The following CDH13 variants were observed in gnomAD, a reference collection of about 807,000 sequenced individuals.
CDH13 encodes the protein cadherin 13.
A neutral mutation model predicts 63.8 loss-of-function variants in CDH13; 24 were observed. That is an observed-to-expected ratio of 0.38 (90% CI 0.27 to 0.53). The LOEUF is 0.53. Among genes scored for constraint, CDH13 ranks in the 20% least tolerant of loss-of-function variants. The probability of loss-of-function intolerance (pLI) is 0.85; values close to 1 mark genes in which losing one functional copy is unlikely to be tolerated. For synonymous variants in CDH13, 503 were observed against 355.3 expected (o/e 1.42, Z -4.67); for missense variants, 1,049 against 903.1 (o/e 1.16, Z -2.07).
At chr16:83,178,154 C>G (rs868188669) in intron 4 of CDH13, among the ~76,000 whole-genome samples, 2 of 152,090 alleles carry the variant, frequency 1.3e-5, no homozygotes, top group African/African-American at 4.8e-5. Flanking sequence ...AAAGGTTGAT[C>G]CAGATTAGGG....
intron 5 of CDH13, among the ~76,000 whole-genome samples, chr16:83,254,524 C>G (rs1010474027): frequency 2.0e-5 from 3 of 152,196 alleles, no homozygotes; most frequent in Non-Finnish European, 4.4e-5. Context: ...CATAATGACT[C>G]TATGGACAGG....
At chr16:83,623,887 C>T (rs1418054972) in intron 8 of CDH13, among the ~76,000 whole-genome samples, 1 of 152,230 alleles carries the variant, frequency 6.6e-6, no homozygotes, top group Non-Finnish European at 1.5e-5. Flanking sequence ...GCTCACCCTT[C>T]GACAAGGAAA....
rs192229044 is a variant in CDH13, at chr16:83,003,277, G to A, written c.158-28733G>A. Reference sequence around the variant, plus strand: ...GTGAGAGGACTGTAGTTTGGAAAAGGTCAAGGGCTGTGGATTGCCATCTCT... The same window carrying A: ...GTGAGAGGACTGTAGTTTGGAAAAGATCAAGGGCTGTGGATTGCCATCTCT... On this transcript the variant is annotated intron_variant, in intron 2 of 13. Coordinates refer to ENST00000567109, the MANE Select transcript of CDH13 (RefSeq NM_001257.5). Among the ~76,000 whole-genome samples the A allele has an allele frequency of 5.3e-5, 8 of 152,312 alleles. No homozygotes were observed. In the East Asian group the frequency reaches 1.5e-3, roughly 29 times the overall value.
At chr16:83,225,943 A>G (rs1443943484) in intron 5 of CDH13, among the ~76,000 whole-genome samples, 4 of 152,222 alleles carry the variant, frequency 2.6e-5, no homozygotes, top group Non-Finnish European at 5.9e-5. Flanking sequence ...ACAAAATAAA[A>G]GTCAAAGATC....
intron 1 of CDH13, among the ~76,000 whole-genome samples, chr16:82,763,694 A>G (rs1285042299): frequency 6.6e-6 from 1 of 152,114 alleles, no homozygotes; most frequent in Non-Finnish European, 1.5e-5. Context: ...TTACTCACGT[A>G]TTTTTTGAAA....
chr16:83,529,557 A>G (rs566786634), intron 7 of CDH13, among the ~76,000 whole-genome samples: 5 of 152,296 alleles, frequency 3.3e-5, no homozygotes, highest in South Asian at 4.1e-4. Flanking sequence ...ACATAAAGAA[A>G]TGTGCATGCC....
At chr16:82,676,895 T>TGTTTTGTTTTGTTTC (rs1382097026) in intron 1 of CDH13, among the ~76,000 whole-genome samples, 1 of 150,704 alleles carries the variant, frequency 6.6e-6, no homozygotes, top group African/African-American at 2.5e-5. Flanking sequence ...TGTTTTGTTT[T>TGTTTTGTTTTGTTTC]GTTTTTTTCA....
intron 1 of CDH13, chr16:82,825,106 T>C (rs1478034588): frequency 2.0e-5 from 3 of 152,320 alleles, no homozygotes; most frequent in Non-Finnish European, 2.9e-5. Context: ...AAGTTCATCA[T>C]ACGAATCTCT....
At chr16:83,140,007 T>C (rs1038361436) in intron 4 of CDH13, among the ~76,000 whole-genome samples, 21 of 152,032 alleles carry the variant, frequency 1.4e-4, no homozygotes, top group African/African-American at 4.8e-4. Context: ...CATCTATAAA[T>C]AAATAAATAT....
At chr16:83,118,679 C>T (rs1306294646) in intron 3 of CDH13, among the ~76,000 whole-genome samples, 1 of 152,164 alleles carries the variant, frequency 6.6e-6, no homozygotes. Flanking sequence ...GTGCAGACCA[C>T]TTTCACATGC....
chr16:83,648,551 C>T (rs1273193121), intron 8 of CDH13, among the ~76,000 whole-genome samples: 1 of 152,126 alleles, frequency 6.6e-6, no homozygotes, highest in Non-Finnish European at 1.5e-5. Context: ...CCAGAGTGGT[C>T]AGTGAGTTAC....
intron 6 of CDH13, among the ~76,000 whole-genome samples, chr16:83,423,879 C>T (rs925477519): frequency 3.9e-5 from 6 of 152,298 alleles, no homozygotes; most frequent in African/African-American, 1.4e-4. Context: ...TACTTTCTAC[C>T]CCCATTTCCC....
intron 8 of CDH13, among the ~76,000 whole-genome samples, chr16:83,615,947 G>A (rs1909245673): frequency 6.6e-6 from 1 of 152,122 alleles, no homozygotes; most frequent in African/African-American, 2.4e-5. Flanking sequence ...CAAGACCATA[G>A]GAAGACACGA....
chr16:83,554,052 A>G (rs992322071), intron 7 of CDH13, among the ~76,000 whole-genome samples: 15 of 152,228 alleles, frequency 9.9e-5, no homozygotes, highest in African/African-American at 3.6e-4. Context: ...GAATGGAATT[A>G]CTAGGTCAAA....
chr16:83,182,529 C>G (rs550211388), intron 4 of CDH13, among the ~76,000 whole-genome samples: 1 of 152,322 alleles, frequency 6.6e-6, no homozygotes, highest in East Asian at 1.9e-4. Context: ...ATAACTGCCA[C>G]CAGTCTCTAA....
intron 4 of CDH13, among the ~76,000 whole-genome samples, chr16:83,136,504 A>C (rs952879314): frequency 6.7e-6 from 1 of 149,332 alleles, no homozygotes; most frequent in African/African-American, 2.4e-5. Context: ...AAAAAAAAAA[A>C]AAAGAAATAG....
chr16:83,139,406 T>A (rs1434112047), intron 4 of CDH13, among the ~76,000 whole-genome samples: 2 of 152,252 alleles, frequency 1.3e-5, no homozygotes, highest in African/African-American at 4.8e-5. Context: ...CCTTCTAGCC[T>A]CAAATTTATT....
intron 4 of CDH13, among the ~76,000 whole-genome samples, chr16:83,200,579 A>G (rs973820441): frequency 1.1e-4 from 17 of 152,134 alleles, no homozygotes; most frequent in African/African-American, 4.1e-4. Context: ...ACATGATCTC[A>G]TTAGGAGTCA....
At chr16:83,606,854 G>T (rs1352547347) in intron 8 of CDH13, among the ~76,000 whole-genome samples, 1 of 151,960 alleles carries the variant, frequency 6.6e-6, no homozygotes, top group Admixed American at 6.6e-5. Flanking sequence ...GTACAATAGG[G>T]TCACTGCAGC....
Sources: allele counts gnomAD v4.1 joint callset (sites outside exome capture counted in the v4.1 genomes callset), GRCh38; gene constraint gnomAD v4.1.1; transcripts MANE v1.5; gene names NCBI Gene and HGNC (gene_info 2026-07-23, HGNC 2026-07-21).